Variants in NDUFAF6 observed in about 807,000 individuals in gnomAD.
NDUFAF6 encodes NADH:ubiquinone oxidoreductase complex assembly factor 6.
NDUFAF6 carries 45 observed loss-of-function variants against 40.8 expected under a neutral mutation model. The ratio of observed to expected loss-of-function variants is 1.10; its 90% CI spans 0.87 to 1.42. The LOEUF is 1.42. Ranked by LOEUF, NDUFAF6 falls within the 40% of genes most tolerant of loss-of-function variation. NDUFAF6 has a pLI of 0.00. For missense variants in NDUFAF6, 435 were observed against 418.5 expected, an observed-to-expected ratio of 1.04 and a Z score of -0.34; for synonymous variants, 185 against 155.9, an observed-to-expected ratio of 1.19 and a Z score of -1.39.
At chr8:95,083,946 C>T (rs1261167432) in intron 2 of NDUFAF6, among the ~76,000 whole-genome samples, 1 of 152,088 alleles carries the variant, frequency 6.6e-6, no homozygotes, top group Non-Finnish European at 1.5e-5. Context: ...AATCACAGAA[C>T]CCCTGACTTT....
At chr8:94,940,227 C>G (rs750334220) in intron 1 of NDUFAF6, 1 of 1,598,688 alleles carries the variant, frequency 6.3e-7, no homozygotes, top group Non-Finnish European at 8.5e-7. Context: ...GTATCTAGAT[C>G]GTAGTCCACA....
chr8:95,031,048 C>A (rs1316244269), intron 1 of NDUFAF6, among the ~76,000 whole-genome samples: 1 of 152,238 alleles, frequency 6.6e-6, no homozygotes, highest in East Asian at 1.9e-4. Flanking sequence ...GAGGGATCCA[C>A]CCCTGTGACC....
At chr8:94,933,970 G>A (rs1820712860) in intron 1 of NDUFAF6, among the ~76,000 whole-genome samples, 1 of 151,776 alleles carries the variant, frequency 6.6e-6, no homozygotes, top group African/African-American at 2.4e-5. Flanking sequence ...CCAGCTACTT[G>A]GGAGGCTGAG....
intron 2 of NDUFAF6, among the ~76,000 whole-genome samples, chr8:95,094,383 TTTCTTTTCTTTTCTTTC>T (rs1809372093): frequency 1.1e-4 from 3 of 28,394 alleles, no homozygotes; most frequent in Non-Finnish European, 5.9e-5. Flanking sequence ...TCTTTCCTTC[TTTCTTTTCTTTTCTTTC>T]TTTTTTTTTT....
chr8:95,016,746 A>C (rs1270691339), intron 2 of NDUFAF6, among the ~76,000 whole-genome samples: 2 of 152,196 alleles, frequency 1.3e-5, no homozygotes, highest in South Asian at 2.1e-4. Flanking sequence ...ATCTCAAAAA[A>C]ACAAAAAGCA....
At chr8:95,036,387 A>T (rs1348571697) in intron 3 of NDUFAF6, 3 of 1,289,330 alleles carry the variant, frequency 2.3e-6, no homozygotes, top group Non-Finnish European at 3.0e-6. Context: ...ACACCAGCAG[A>T]GGCAGGCCCA....
At position 94,989,964 on chromosome 8, in the gene NDUFAF6, A is replaced by G. The variant is rs77907133; in HGVS notation, c.-84+8991A>G. 3.3e-3 allele frequency among the ~76,000 whole-genome samples: 498 copies of G among 152,304 alleles called. 1 individual carries two copies. The highest frequency in any genetic ancestry group is 0.011 in the African/African-American group (440 of 41,568). ...AGGCTGGTCTTGAACTGCTAGGCTC[A>G]TGCAATCCGCCTGCCTTGGCTTCTC... On this transcript the variant is annotated intron_variant, in intron 2 of 9. Transcript: ENST00000396111.
chr8:95,058,772 C>T (rs1036643868), downstream of NDUFAF6: 9 of 987,034 alleles, frequency 9.1e-6, no homozygotes, highest in African/African-American at 1.7e-5. Context: ...TGTATACTTG[C>T]ATCAGTGTTC....
chr8:94,928,362 G>A (rs564267444), intron 1 of NDUFAF6: 16 of 152,284 alleles, frequency 1.1e-4, no homozygotes, highest in African/African-American at 2.4e-4. Context: ...AAAAAGAGAC[G>A]CCGTGTATTC....
chr8:94,942,664 C>T (rs1436905404), intron 1 of NDUFAF6, among the ~76,000 whole-genome samples: 2 of 152,216 alleles, frequency 1.3e-5, no homozygotes, highest in African/African-American at 4.8e-5. Context: ...AGGGCCCTCC[C>T]ACAAGTTTAA....
At chr8:95,097,807 G>T (rs976514809), upstream of NDUFAF6, among the ~76,000 whole-genome samples, 3 of 152,188 alleles carry the variant, frequency 2.0e-5, no homozygotes, top group Admixed American at 6.5e-5. Context: ...GCTCCCAAAC[G>T]ACCTAACTTC....
At chr8:94,981,081 G>A (rs751522593) in intron 2 of NDUFAF6, 15 of 420,146 alleles carry the variant, frequency 3.6e-5, no homozygotes, top group Middle Eastern at 3.4e-4. Flanking sequence ...CAAAACTCAC[G>A]TTGAGGCTTG....
At chr8:94,940,126 T>C in intron 1 of NDUFAF6, 1 of 1,614,194 alleles carries the variant, frequency 6.2e-7, no homozygotes, top group Non-Finnish European at 8.5e-7. Flanking sequence ...GAGATGCCGG[T>C]AAACAGGAAA....
chr8:94,940,954 AC>A (rs1821472668), intron 1 of NDUFAF6: 1 of 1,601,914 alleles, frequency 6.2e-7, no homozygotes, highest in Non-Finnish European at 8.5e-7. Flanking sequence ...TTAAGGCAAG[AC>A]TGAGAGTTTG....
intron 1 of NDUFAF6, among the ~76,000 whole-genome samples, chr8:94,918,149 G>T (rs1319842569): frequency 6.6e-6 from 1 of 152,054 alleles, no homozygotes. Flanking sequence ...TAAGTGCACC[G>T]ACCTGACCAA....
rs531589740 is a variant in NDUFAF6 at position 95,027,330 on chromosome 8, G to A, written c.197+2125G>A. On this transcript the variant is annotated intron_variant, in intron 1 of 8. Transcript: ENST00000396124. Reference sequence around the variant, plus strand: ...ACCATGGCTCACACCTGTAACCTTAGCACTTTGGGAGGCTGAGGAGGGAGG... The same window carrying A: ...ACCATGGCTCACACCTGTAACCTTAACACTTTGGGAGGCTGAGGAGGGAGG... Among the ~76,000 whole-genome samples the A allele has an allele frequency of 1.6e-4, 24 of 152,060 alleles. 1 individual carries two copies. Among genetic ancestry groups the A allele is most frequent in the Admixed American group, 1.4e-3 (22 of 15,296 alleles).
chr8:94,991,222 AT>A (rs1826176472), intron 2 of NDUFAF6, among the ~76,000 whole-genome samples: 1 of 152,260 alleles, frequency 6.6e-6, no homozygotes, highest in Non-Finnish European at 1.5e-5. Context: ...AGCTCCCTTA[AT>A]AAAAAATATC....
chr8:95,098,602 G>A (rs149412853), upstream of NDUFAF6, among the ~76,000 whole-genome samples: 218 of 152,288 alleles, frequency 1.4e-3, no homozygotes, highest in African/African-American at 5.0e-3. Flanking sequence ...CCTGGGAGGC[G>A]GAGGTTGCAG....
At chr8:94,935,443 G>T (rs775166674) in intron 1 of NDUFAF6, among the ~76,000 whole-genome samples, 1 of 152,186 alleles carries the variant, frequency 6.6e-6, no homozygotes, top group Non-Finnish European at 1.5e-5. Flanking sequence ...CTGGACAAAG[G>T]TCATATGATG....
Sources: gnomAD v4.1 joint callset for allele counts (sites outside exome capture counted in the v4.1 genomes callset) on GRCh38, gnomAD v4.1.1 for gene constraint, MANE v1.5 for transcripts, NCBI Gene and HGNC (gene_info 2026-07-23, HGNC 2026-07-21) for gene names.